The following COL8A1 variants were observed in gnomAD, a reference collection of about 807,000 sequenced individuals.
COL8A1 encodes the protein collagen alpha-1(VIII) chain.
A neutral mutation model predicts 42.7 loss-of-function variants in COL8A1; 21 were observed. The observed-to-expected ratio is 0.49, with a 90% CI of 0.35 to 0.71. The LOEUF (loss-of-function observed/expected upper bound fraction) is 0.71. Ranked by LOEUF, COL8A1 falls within the 30% of genes least tolerant of loss-of-function variation. The pLI, the probability that COL8A1 is intolerant of heterozygous loss-of-function variation, is 0.01. For synonymous variants in COL8A1, 367 were observed against 369.1 expected (o/e 0.99, Z 0.06); for missense variants, 788 against 962.4 (o/e 0.82, Z 2.40).
chr3:99,784,335 T>A (rs1436558168), intron 2 of COL8A1, among the ~76,000 whole-genome samples: 1 of 152,188 alleles, frequency 6.6e-6, no homozygotes, highest in Non-Finnish European at 1.5e-5. Flanking sequence ...AACTGTAATG[T>A]CAAAAAAGAC....
Position 99,781,586 on chromosome 3 carries a change from T to G in COL8A1, c.-3-9094T>G, listed in dbSNP as rs566823973. The stretch of plus-strand genomic sequence containing the variant: ...AAATAAACATTTTTACGATGTCCAC[T>G]TTAATGGATTACATTAGATGAAATT... On this transcript the variant is annotated intron_variant, in intron 2 of 3. Coordinates refer to ENST00000652472, the MANE Select transcript of COL8A1 (RefSeq NM_020351.4). 1.9e-3 allele frequency among the ~76,000 whole-genome samples: 284 copies of G among 152,346 alleles called. 1 individual carries two copies. The highest frequency in any genetic ancestry group is 6.6e-3 in the African/African-American group (273 of 41,582).
Position 99,723,003 on chromosome 3 carries a change from TTGTG to T in COL8A1, c.-128-21866_-128-21863del, listed in dbSNP as rs34062497. Among the ~76,000 whole-genome samples, 810 of 147,158 alleles carry T rather than the reference TTGTG, an allele frequency of 5.5e-3. 4 individuals are homozygous for T. The highest frequency in any genetic ancestry group is 0.013 in the South Asian group (60 of 4,568). On this transcript the variant is annotated intron_variant, in intron 1 of 3. Transcript: ENST00000652472. ...TTGAGAAAAAAATCAGAGACCAAAGTTGTGTGTGTGTGTGTGTGTGTGTGTGTGT... is the reference window on the plus strand; with the variant it reads ...TTGAGAAAAAAATCAGAGACCAAAGTTGTGTGTGTGTGTGTGTGTGTGTGT...
At chr3:99,701,023 CAACATGAAAAGCAAAACAAGAGGAAT>C (rs1410897164) in intron 1 of COL8A1, among the ~76,000 whole-genome samples, 1 of 152,106 alleles carries the variant, frequency 6.6e-6, no homozygotes, top group Non-Finnish European at 1.5e-5. Flanking sequence ...GTGTTGTTTA[CAACATGAAAAGCAAAACAAGAGGAAT>C]ATCCAGACAA....
chr3:99,724,631 A>G lies in COL8A1; in HGVS notation c.-128-20266A>G, dbSNP rs76020280. ...ACAACCCCTTCCAACCTTCCTTTAC[A>G]TCAGTCTTCCTCACTGACCCAAGAA... On this transcript the variant is annotated intron_variant, in intron 1 of 3. Transcript: ENST00000652472. Among the ~76,000 whole-genome samples the G allele has an allele frequency of 8.0e-3, 1,220 of 152,202 alleles. 15 individuals are homozygous for G. Among genetic ancestry groups the G allele is most frequent in the Middle Eastern group, 0.027 (8 of 294 alleles).
intron 1 of COL8A1, among the ~76,000 whole-genome samples, chr3:99,742,662 G>GA (rs1940926930): frequency 6.6e-6 from 1 of 152,186 alleles, no homozygotes; most frequent in African/African-American, 2.4e-5. Context: ...TCTCAGGGTT[G>GA]AAAAACGGCA....
intron 2 of COL8A1, among the ~76,000 whole-genome samples, chr3:99,749,882 T>C (rs1941103620): frequency 6.6e-6 from 1 of 151,824 alleles, no homozygotes; most frequent in Admixed American, 6.6e-5. Context: ...AATCACAAAA[T>C]AATGAAAACT....
At chr3:99,691,833 T>A (rs1939229926) in intron 1 of COL8A1, 1 of 152,072 alleles carries the variant, frequency 6.6e-6, no homozygotes, top group South Asian at 2.1e-4. Flanking sequence ...CCAGATTTTG[T>A]TATTAGTTTT....
intron 1 of COL8A1, among the ~76,000 whole-genome samples, chr3:99,651,315 G>A (rs950657028): frequency 9.9e-5 from 15 of 152,264 alleles, no homozygotes; most frequent in Admixed American, 1.3e-4. Context: ...CCTGGGTATC[G>A]GAAACAAATT....
At chr3:99,739,614 C>T (rs1940840670) in intron 1 of COL8A1, among the ~76,000 whole-genome samples, 1 of 152,230 alleles carries the variant, frequency 6.6e-6, no homozygotes, top group African/African-American at 2.4e-5. Flanking sequence ...GGTTTGCACC[C>T]TCTGAAGCCA....
At chr3:99,726,233 G>A (rs28819723) in intron 1 of COL8A1, among the ~76,000 whole-genome samples, 9 of 152,174 alleles carry the variant, frequency 5.9e-5, no homozygotes, top group East Asian at 3.9e-4. Context: ...GTATCTGTTC[G>A]TATCCTGCAC....
intron 1 of COL8A1, among the ~76,000 whole-genome samples, chr3:99,654,040 G>A (rs755964765): frequency 3.2e-4 from 48 of 152,274 alleles, no homozygotes; most frequent in African/African-American, 1.1e-3. Context: ...GTCTGTGGCC[G>A]AGGGCCTGAG....
At chr3:99,639,704 C>T (rs556680553) in intron 1 of COL8A1, among the ~76,000 whole-genome samples, 1 of 152,328 alleles carries the variant, frequency 6.6e-6, no homozygotes, top group African/African-American at 2.4e-5. Context: ...ACACTTGGTC[C>T]ATGAAGTTTG....
intron 1 of COL8A1, among the ~76,000 whole-genome samples, chr3:99,737,666 C>T (rs1480572096): frequency 1.3e-5 from 2 of 152,096 alleles, no homozygotes; most frequent in African/African-American, 4.8e-5. Flanking sequence ...AACATTTTTT[C>T]CTTCATTCAA....
chr3:99,739,657 A>G (rs1940842078), intron 1 of COL8A1, among the ~76,000 whole-genome samples: 2 of 152,168 alleles, frequency 1.3e-5, no homozygotes, highest in African/African-American at 4.8e-5. Context: ...CCTTTCAGCC[A>G]TAGCTGGAGA....
intron 1 of COL8A1, among the ~76,000 whole-genome samples, chr3:99,741,326 T>C (rs779693889): frequency 2.0e-5 from 3 of 152,096 alleles, no homozygotes; most frequent in Admixed American, 6.5e-5. Flanking sequence ...ATACTAAGAC[T>C]GTTTTTTAAT....
intron 1 of COL8A1, among the ~76,000 whole-genome samples, chr3:99,730,024 C>T (rs1183873069): frequency 6.6e-6 from 1 of 152,036 alleles, no homozygotes; most frequent in African/African-American, 2.4e-5. Context: ...ATACAGCATC[C>T]CTTAAAAAAC....
intron 1 of COL8A1, among the ~76,000 whole-genome samples, chr3:99,681,836 A>T (rs1300529968): frequency 6.6e-6 from 1 of 152,186 alleles, no homozygotes; most frequent in Non-Finnish European, 1.5e-5. Context: ...ATCATCTTTC[A>T]TTCACAACAG....
chr3:99,696,739 C>T (rs1939381031), intron 1 of COL8A1, among the ~76,000 whole-genome samples: 1 of 152,178 alleles, frequency 6.6e-6, no homozygotes. Flanking sequence ...GAAGACCAGG[C>T]ATGCCCACAC....
intron 2 of COL8A1, among the ~76,000 whole-genome samples, 166 bp from the exon 3 acceptor site, chr3:99,790,514 T>C (rs138688563): frequency 6.6e-6 from 1 of 152,314 alleles, no homozygotes; most frequent in East Asian, 1.9e-4. Context: ...TTTTTGTTTG[T>C]TTGTTTTCTA....
Sources: allele counts gnomAD v4.1 joint callset (sites outside exome capture counted in the v4.1 genomes callset), GRCh38; gene constraint gnomAD v4.1.1; transcripts MANE v1.5; gene names NCBI Gene and HGNC (gene_info 2026-07-23, HGNC 2026-07-21).